The following PTPRT variants were observed in gnomAD, a reference collection of about 807,000 sequenced individuals.
PTPRT encodes the protein protein tyrosine phosphatase receptor type T.
In PTPRT, 56 loss-of-function variants were observed where a neutral mutation model predicts 176.8. The ratio of observed to expected loss-of-function variants is 0.32; its 90% CI spans 0.26 to 0.40. The LOEUF (loss-of-function observed/expected upper bound fraction) is 0.40. Ranked by LOEUF, PTPRT falls within the 10% of genes least tolerant of loss-of-function variation. PTPRT has a pLI of 1.00. For missense variants in PTPRT, 1,540 were observed against 1,908.2 expected (o/e 0.81, Z 3.60); for synonymous variants, 783 against 739.0 (o/e 1.06, Z -0.96).
intron 9 of PTPRT, among the ~76,000 whole-genome samples, chr20:42,442,836 T>G (rs961470332): frequency 6.6e-6 from 1 of 152,190 alleles, no homozygotes; most frequent in Non-Finnish European, 1.5e-5. Context: ...TAGACAACTG[T>G]TTGGTTGGAT....
chr20:42,344,746 C>T (rs1278938904), intron 11 of PTPRT, among the ~76,000 whole-genome samples: 1 of 152,086 alleles, frequency 6.6e-6, no homozygotes, highest in Non-Finnish European at 1.5e-5. Flanking sequence ...TTCCACACTC[C>T]CTTCTGAACA....
chr20:42,180,129 C>T (rs1990456142), intron 16 of PTPRT, among the ~76,000 whole-genome samples: 1 of 152,162 alleles, frequency 6.6e-6, no homozygotes, highest in South Asian at 2.1e-4. Context: ...GCACAAGGGT[C>T]TTCACTATTT....
chr20:42,676,909 G>A (rs1175738264), intron 7 of PTPRT, among the ~76,000 whole-genome samples: 1 of 152,036 alleles, frequency 6.6e-6, no homozygotes, highest in Non-Finnish European at 1.5e-5. Context: ...GGAGGCCTGG[G>A]ACACAGTTGG....
At position 42,706,731 on chromosome 20, in the gene PTPRT, C is replaced by G. The variant is rs115634792; in HGVS notation, c.860-28572G>C. Among the ~76,000 whole-genome samples, 637 of 152,244 alleles carry G rather than the reference C, an allele frequency of 4.2e-3. 8 individuals are homozygous for G. In the Middle Eastern group the frequency reaches 0.044, roughly 11 times the overall value. On this transcript the variant is annotated intron_variant, in intron 6 of 30. Transcript: ENST00000373187. The stretch of plus-strand genomic sequence containing the variant: ...GATTATTACAAAATTATGTGCCATA[C>G]AGAATCTTGAAATACCTAAAAATAC...
intron 1 of PTPRT, among the ~76,000 whole-genome samples, chr20:43,112,262 C>G (rs1466189645): frequency 6.6e-6 from 1 of 152,170 alleles, no homozygotes; most frequent in African/African-American, 2.4e-5. Context: ...TCAATAAACA[C>G]ACACCCACCC....
chr20:42,500,625 G>A (rs116247881), intron 7 of PTPRT, among the ~76,000 whole-genome samples: 1,842 of 152,152 alleles, frequency 0.012, 35 homozygotes, highest in African/African-American at 0.042. Context: ...AACACCAAGT[G>A]AAATAGATGT....
Position 42,806,468 on chromosome 20 carries a change from G to A in PTPRT, c.215-15002C>T, listed in dbSNP as rs372471311. 2.8e-4 allele frequency among the ~76,000 whole-genome samples: 36 copies of A among 126,816 alleles called. No homozygotes were observed. The South Asian group carries it at 9.6e-3, about 34-fold the overall frequency. The allele number at this position is 126,816 out of a possible 152,430, so 83.2% of individuals were successfully genotyped here. On this transcript the variant is annotated intron_variant, in intron 2 of 30. Coordinates refer to ENST00000373187, the MANE Select transcript of PTPRT (RefSeq NM_007050.6). ...CACTGTACTCCAGCCTGGCGACAGA[G>A]CAAGACTCTGTCTCAAAAAAAAAAA... is the stretch of plus-strand genomic sequence containing the variant.
chr20:43,053,979 G>C (rs1987143090), intron 1 of PTPRT, among the ~76,000 whole-genome samples: 1 of 152,104 alleles, frequency 6.6e-6, no homozygotes, highest in Admixed American at 6.5e-5. Flanking sequence ...AAAACATCTT[G>C]GCCTCCTTAA....
At chr20:42,903,405 T>C in intron 1 of PTPRT, among the ~76,000 whole-genome samples, 1 of 152,250 alleles carries the variant, frequency 6.6e-6, no homozygotes. Context: ...GGCTGACAGA[T>C]ATTGGTTTAT....
intron 6 of PTPRT, among the ~76,000 whole-genome samples, chr20:42,685,038 T>A (rs1424779778): frequency 6.6e-6 from 1 of 152,120 alleles, no homozygotes; most frequent in Non-Finnish European, 1.5e-5. Context: ...TCATTCAAAA[T>A]CCAGGACTGA....
intron 7 of PTPRT, among the ~76,000 whole-genome samples, chr20:42,520,231 T>C (rs1002383763): frequency 8.6e-5 from 13 of 152,024 alleles, no homozygotes; most frequent in Non-Finnish European, 1.3e-4. Flanking sequence ...TTGTAAAATA[T>C]AGTATAACTA....
intron 15 of PTPRT, among the ~76,000 whole-genome samples, chr20:42,224,395 T>C (rs2055957390): frequency 6.6e-6 from 1 of 152,206 alleles, no homozygotes; most frequent in African/African-American, 2.4e-5. Flanking sequence ...TCTACCTCAA[T>C]ACCTAAAAAA....
chr20:42,485,366 T>A (rs1265470973), intron 7 of PTPRT, among the ~76,000 whole-genome samples: 1 of 152,128 alleles, frequency 6.6e-6, no homozygotes, highest in African/African-American at 2.4e-5. Flanking sequence ...TTTCTGATGG[T>A]CAAAAGCCAC....
intron 2 of PTPRT, among the ~76,000 whole-genome samples, chr20:42,863,920 A>G (rs1367217585): frequency 6.6e-6 from 1 of 152,220 alleles, no homozygotes; most frequent in Non-Finnish European, 1.5e-5. Context: ...GGCAGGAAAG[A>G]GATACCAGGG....
intron 1 of PTPRT, among the ~76,000 whole-genome samples, chr20:42,890,951 T>TC (rs1985018741): frequency 6.6e-6 from 1 of 152,210 alleles, no homozygotes; most frequent in African/African-American, 2.4e-5. Context: ...TTAAGGGGTT[T>TC]CCCCTTTCGC....
intron 6 of PTPRT, among the ~76,000 whole-genome samples, chr20:42,711,373 G>A (rs1297625705): frequency 6.6e-6 from 1 of 152,086 alleles, no homozygotes; most frequent in Non-Finnish European, 1.5e-5. Context: ...TGGGTCATGG[G>A]GGGCAGATCC....
At chr20:42,102,470 T>C (rs1424502419) in intron 25 of PTPRT, among the ~76,000 whole-genome samples, 173 bp from the exon 26 acceptor site, 2 of 152,218 alleles carry the variant, frequency 1.3e-5, no homozygotes, top group Non-Finnish European at 2.9e-5. Flanking sequence ...TGTCCTCTCC[T>C]GCTCCCTGCT....
chr20:42,251,256 C>A (rs1325791439), intron 13 of PTPRT, among the ~76,000 whole-genome samples: 1 of 152,144 alleles, frequency 6.6e-6, no homozygotes, highest in East Asian at 1.9e-4. Flanking sequence ...ACTAGGAGTG[C>A]AATGGCAAAG....
chr20:42,354,685 T>C (rs1255949724), intron 9 of PTPRT, among the ~76,000 whole-genome samples: 2 of 152,210 alleles, frequency 1.3e-5, no homozygotes, highest in African/African-American at 4.8e-5. Context: ...TATACACAGC[T>C]GACATCACTT....
Sources: allele counts gnomAD v4.1 joint callset (sites outside exome capture counted in the v4.1 genomes callset), GRCh38; gene constraint gnomAD v4.1.1; transcripts MANE v1.5; gene names NCBI Gene and HGNC (gene_info 2026-07-23, HGNC 2026-07-21).